The following HIBCH variants were observed in gnomAD, a reference collection of about 807,000 sequenced individuals.
The protein encoded by HIBCH is 3-hydroxyisobutyryl-CoA hydrolase, mitochondrial.
Under a neutral mutation model 58.2 loss-of-function variants are expected in HIBCH, and 50 were observed. That is an observed-to-expected ratio of 0.86 (90% CI 0.68 to 1.09). The LOEUF is 1.09. Among genes scored for constraint, HIBCH ranks in the 50% least tolerant of loss-of-function variants. The probability of loss-of-function intolerance (pLI) is 0.00; values close to 1 mark genes in which losing one functional copy is unlikely to be tolerated. For missense variants in HIBCH, 450 were observed against 449.7 expected (o/e 1.00, Z -0.01); for synonymous variants, 151 against 146.9 (o/e 1.03, Z -0.20).
Position 190,210,259 on chromosome 2 carries a change from C to T in HIBCH, c.1012-1346G>A, listed in dbSNP as rs1175051388. On this transcript the variant is annotated intron_variant, in intron 12 of 13. Coordinates refer to ENST00000359678, the MANE Select transcript of HIBCH (RefSeq NM_014362.4). This position sits in a 1 kb window ranked among gnomAD's most constrained non-coding sequence, Gnocchi z 5.5. ...CCAAAACCACCCATGACATCGGCAT[C>T]GCCAAGGTCAAATGACACTTCTAAC... 2.0e-5 allele frequency among the ~76,000 whole-genome samples: 3 copies of T among 152,182 alleles called. No individual in the cohort carries two copies. Among genetic ancestry groups the T allele is most frequent in the African/African-American group, 7.2e-5 (3 of 41,438 alleles).
At chr2:190,200,347 G>GATTTTAGTCATCTGAA (rs1690192735), downstream of HIBCH, 4 of 561,238 alleles carry the variant, frequency 7.1e-6, no homozygotes, top group Non-Finnish European at 1.3e-5. Context: ...TTTAGTCTTA[G>GATTTTAGTCATCTGAA]ATTTTAGTCA....
chr2:190,194,816 G>A (rs1203807506), intron 1 of HIBCH, among the ~76,000 whole-genome samples: 2 of 151,938 alleles, frequency 1.3e-5, no homozygotes, highest in African/African-American at 4.8e-5. Flanking sequence ...GCTTAACTTA[G>A]TAATAAGTAT....
chr2:190,190,407 T>G (rs1376772939), intron 1 of HIBCH, among the ~76,000 whole-genome samples: 1 of 152,232 alleles, frequency 6.6e-6, no homozygotes, highest in Non-Finnish European at 1.5e-5. Context: ...TCAAGTTATA[T>G]TCCATTTTGA....
chr2:190,222,861 G>T (rs1035003866), intron 11 of HIBCH, among the ~76,000 whole-genome samples: 1 of 152,168 alleles, frequency 6.6e-6, no homozygotes, highest in Non-Finnish European at 1.5e-5. Flanking sequence ...GCAAAGACTT[G>T]GAACCAATCC....
intron 11 of HIBCH, among the ~76,000 whole-genome samples, chr2:190,239,901 C>T (rs984939849): frequency 2.6e-5 from 4 of 152,120 alleles, no homozygotes; most frequent in Non-Finnish European, 1.5e-5. Flanking sequence ...CTGCCCGCTT[C>T]GGCCTCCCAA....
chr2:190,252,230 C>T lies in HIBCH; in HGVS notation c.595G>A (p.Gly199Arg), dbSNP rs755786597. Residue 199 changes from glycine (G) to arginine (R), a missense_variant, in exon 8 of 14, where the codon GGA (glycine) becomes AGA (arginine). Physicochemically the swap from Gly to Arg is moderately radical, Grantham distance 125. Coordinates refer to ENST00000359678, the MANE Select transcript of HIBCH (RefSeq NM_014362.4). ...ACATCTCTTCCTTTTAGTCTGAATC[C>T]TGTTAATGCAAGGAAGTAACCAAGT... ...GKLGYFLALT[G>R]FRLKGRDVYR... 2.5e-6 allele frequency: 4 copies of T among 1,613,488 alleles called. No individual in the cohort carries two copies. In the South Asian group the frequency reaches 4.4e-5, roughly 18 times the overall value.
chr2:190,298,814 T>C (rs1292288787), intron 2 of HIBCH, among the ~76,000 whole-genome samples: 1 of 152,224 alleles, frequency 6.6e-6, no homozygotes, highest in African/African-American at 2.4e-5. Context: ...TATGAAGTCT[T>C]TGCCCACGCC....
At chr2:190,310,820 G>C (rs772949289) in intron 1 of HIBCH, 24 bp from the exon 2 acceptor site, 1 of 1,550,382 alleles carries the variant, frequency 6.5e-7, no homozygotes, top group South Asian at 1.1e-5. Flanking sequence ...GGAAAACAAT[G>C]AGAACAGTAA....
intron 3 of HIBCH, among the ~76,000 whole-genome samples, chr2:190,295,443 T>C (rs1688079176): frequency 6.6e-6 from 1 of 152,246 alleles, no homozygotes; most frequent in Non-Finnish European, 1.5e-5. Context: ...GAATAAACAG[T>C]GTGTTGTGCA....
rs1690326087 is a variant in HIBCH, at chr2:190,203,965, CAA to C, written c.*1150_*1151del. The C allele has an allele frequency of 6.6e-6, 1 of 151,640 alleles. No individual in the cohort carries two copies. Among genetic ancestry groups the C allele is most frequent in the African/African-American group, 2.4e-5 (1 of 41,328 alleles). 9.4% of individuals were successfully genotyped at this position (151,640 alleles called of 1,614,324 possible). ...TTTGTTTATAAACAAAAATTACAAACAAAAAATTATAAATTTTGTTTGTTAAT... is the reference window on the plus strand; with the variant it reads ...TTTGTTTATAAACAAAAATTACAAACAAAATTATAAATTTTGTTTGTTAAT... On this transcript the variant is annotated 3_prime_UTR_variant, in exon 14 of 14. Coordinates refer to ENST00000359678, the MANE Select transcript of HIBCH (RefSeq NM_014362.4).
chr2:190,285,706 G>A (rs1475909389), intron 6 of HIBCH, among the ~76,000 whole-genome samples: 2 of 151,912 alleles, frequency 1.3e-5, no homozygotes, highest in Non-Finnish European at 2.9e-5. Flanking sequence ...ACCTACCTAT[G>A]TCCTACCTAT....
chr2:190,296,749 G>A (rs1688112724), intron 3 of HIBCH, 64 bp downstream of exon 3: 4 of 1,405,138 alleles, frequency 2.8e-6, no homozygotes, highest in Middle Eastern at 1.8e-4. Flanking sequence ...GAAAATACCA[G>A]AAATGTCCTA....
intron 7 of HIBCH, chr2:190,260,580 G>C (rs1687060894): frequency 6.6e-6 from 1 of 152,304 alleles, no homozygotes; most frequent in South Asian, 2.1e-4. Context: ...AAAGAACAAA[G>C]GTGGAACATT....
chr2:190,280,425 G>A (rs954238154), intron 6 of HIBCH, among the ~76,000 whole-genome samples: 1 of 152,120 alleles, frequency 6.6e-6, no homozygotes, highest in Non-Finnish European at 1.5e-5. Context: ...TCAGGTGGTT[G>A]TTAAACTATC....
rs1690501274 is a variant in HIBCH at position 190,210,975 on chromosome 2, T to C, written c.1011+1981A>G. Among the ~76,000 whole-genome samples the C allele has an allele frequency of 6.6e-6, 1 of 152,158 alleles. No individual in the cohort carries two copies. The highest frequency in any genetic ancestry group is 1.5e-5 in the Non-Finnish European group (1 of 68,030). On this transcript the variant is annotated intron_variant, in intron 12 of 13. Coordinates refer to ENST00000359678, the MANE Select transcript of HIBCH (RefSeq NM_014362.4). The surrounding 1 kb of genome is among the most constrained non-coding windows in gnomAD (Gnocchi z 5.5). ...TTAATATTTATAATCATATAATATA[T>C]ATTTTATGTATTAATCTTGTTTACA...
At chr2:190,311,432 C>T (rs554506683) in intron 1 of HIBCH, among the ~76,000 whole-genome samples, 81 of 152,226 alleles carry the variant, frequency 5.3e-4, no homozygotes, top group African/African-American at 1.8e-3. Flanking sequence ...CTTATAACTA[C>T]TCTAAAAAAT....
intron 5 of HIBCH, among the ~76,000 whole-genome samples, 192 bp downstream of exon 5, chr2:190,290,213 T>C (rs1193016592): frequency 6.6e-6 from 1 of 152,152 alleles, no homozygotes; most frequent in Non-Finnish European, 1.5e-5. Flanking sequence ...CAGTTAAGTA[T>C]AGCCTACTAA....
intron 9 of HIBCH, among the ~76,000 whole-genome samples, chr2:190,248,860 C>CA (rs1686684345): frequency 9.1e-6 from 1 of 109,692 alleles, no homozygotes; most frequent in South Asian, 2.9e-4. Context: ...GACTCTGCTT[C>CA]AAAACAAAAA....
intron 11 of HIBCH, among the ~76,000 whole-genome samples, chr2:190,234,844 A>G (rs925341109): frequency 2.0e-5 from 3 of 152,056 alleles, no homozygotes; most frequent in Non-Finnish European, 4.4e-5. Context: ...TAAAAAAAAA[A>G]AAACCTCAAA....
Sources: allele counts gnomAD v4.1 joint callset (sites outside exome capture counted in the v4.1 genomes callset), GRCh38; gene constraint gnomAD v4.1.1; non-coding constraint Gnocchi (gnomAD v3.1); transcripts MANE v1.5; gene names NCBI Gene and HGNC (gene_info 2026-07-23, HGNC 2026-07-21).